The following RIMKLB variants were observed in gnomAD, a reference collection of about 807,000 sequenced individuals.
The protein encoded by RIMKLB is beta-citrylglutamate synthase B.
Under a neutral mutation model 32.0 loss-of-function variants are expected in RIMKLB, and 7 were observed. The observed-to-expected ratio is 0.22, with a 90% CI of 0.12 to 0.41. RIMKLB has a LOEUF of 0.41. RIMKLB is among the 10% of genes least tolerant of loss of function. RIMKLB has a pLI of 1.00. For synonymous variants in RIMKLB, 172 were observed against 185.1 expected (o/e 0.93, Z 0.57); for missense variants, 289 against 498.7 (o/e 0.58, Z 4.00).
chr12:8,714,764 G>A (rs1184516831), intron 2 of RIMKLB, among the ~76,000 whole-genome samples: 1 of 152,074 alleles, frequency 6.6e-6, no homozygotes, highest in African/African-American at 2.4e-5. Context: ...TAGCTAAATT[G>A]GTAGTTTCTG....
the RIMKLB span, among the ~76,000 whole-genome samples, chr12:8,674,770 G>C: frequency 1.1e-4 from 16 of 151,846 alleles, no homozygotes; most frequent in East Asian, 1.5e-3. Flanking sequence ...GGCTGGTCTC[G>C]AACTCCTCAC....
chr12:8,777,096 GTTTTTA>G lies in RIMKLB; in HGVS notation c.*3316_*3321del. The G allele has an allele frequency of 1.0e-6, 1 of 984,372 alleles. No individual in the cohort carries two copies. Among genetic ancestry groups the G allele is most frequent in the Non-Finnish European group, 1.2e-6 (1 of 829,690 alleles). The allele number at this position is 984,372 out of a possible 1,614,324, so 61.0% of individuals were successfully genotyped here. A position where few individuals can be genotyped will look rare whatever the true frequency, so the allele number is the denominator to read the frequency against. ...CAGACAGGTAACCACTGCTGCTACT[GTTTTTA>G]TTTGTTTGTTTGTTCAATTTTATTT... On this transcript the variant is annotated 3_prime_UTR_variant, in exon 6 of 6. Transcript: ENST00000535829.
At chr12:8,719,172 G>A (rs950669318) in intron 2 of RIMKLB, among the ~76,000 whole-genome samples, 3 of 152,066 alleles carry the variant, frequency 2.0e-5, no homozygotes, top group Non-Finnish European at 4.4e-5. Flanking sequence ...TAGTGTTTTC[G>A]TATTAGGATC....
chr12:8,775,095 T>A lies in RIMKLB; in HGVS notation c.*1311T>A. On this transcript the variant is annotated 3_prime_UTR_variant, in exon 6 of 6. Coordinates refer to ENST00000535829, the MANE Select transcript of RIMKLB (RefSeq NM_001297776.2). ...TTTTTTAGGCCTTTTTGTGTATATGTACGTTGTTTGTTTTTTTCCTTTTGT... is the reference window on the plus strand; with the variant it reads ...TTTTTTAGGCCTTTTTGTGTATATGAACGTTGTTTGTTTTTTTCCTTTTGT... 4.1e-6 allele frequency: 4 copies of A among 985,806 alleles called. No homozygotes were observed. Among genetic ancestry groups the A allele is most frequent in the Non-Finnish European group, 3.6e-6 (3 of 829,880 alleles). The allele number at this position is 985,806 out of a possible 1,614,324, so 61.1% of individuals were successfully genotyped here. A position where few individuals can be genotyped will look rare whatever the true frequency, so the allele number is the denominator to read the frequency against.
At chr12:8,704,382 CAA>C (rs536532279) in intron 1 of RIMKLB, among the ~76,000 whole-genome samples, 5 of 126,656 alleles carry the variant, frequency 3.9e-5, no homozygotes, top group Admixed American at 8.0e-5. Flanking sequence ...GACCCTGTCT[CAA>C]AAAAAAAAAA....
chr12:8,752,733 A>G (rs779430612), intron 4 of RIMKLB, among the ~76,000 whole-genome samples: 3 of 150,200 alleles, frequency 2.0e-5, no homozygotes, highest in South Asian at 2.1e-4. Context: ...TGTTGTTGTT[A>G]TTGTTTGTTT....
chr12:8,777,647 ACTTTC>A, downstream of RIMKLB: 2 of 1,289,228 alleles, frequency 1.6e-6, no homozygotes, highest in Non-Finnish European at 2.0e-6. Context: ...CAGAGAAAAA[ACTTTC>A]CTTCTTCCCC....
intron 1 of RIMKLB, among the ~76,000 whole-genome samples, chr12:8,708,854 G>C (rs968754952): frequency 4.6e-5 from 7 of 152,162 alleles, no homozygotes; most frequent in African/African-American, 1.7e-4. Flanking sequence ...CCAGAAGTTT[G>C]TGTGGGAAAA....
At position 8,707,301 on chromosome 12, in the gene RIMKLB, C is replaced by T. The variant is rs139507124; in HGVS notation, c.-56-6510C>T. 5.1e-3 allele frequency among the ~76,000 whole-genome samples: 775 copies of T among 152,280 alleles called. 4 individuals carry two copies. The highest frequency in any genetic ancestry group is 0.018 in the African/African-American group (738 of 41,548). ...GCTGACTGGCTTTAAGTTGGAGTTC[C>T]CACCAACCCTGTCTTTGGGTTTGAT... On this transcript the variant is annotated intron_variant, in intron 1 of 5. Coordinates refer to ENST00000535829, the MANE Select transcript of RIMKLB (RefSeq NM_001297776.2).
At chr12:8,701,015 G>A (rs377658089) in intron 1 of RIMKLB, among the ~76,000 whole-genome samples, 5 of 151,872 alleles carry the variant, frequency 3.3e-5, no homozygotes, top group Admixed American at 1.3e-4. Flanking sequence ...GCGGTGAGCC[G>A]AAATTTTATC....
At chr12:8,690,996 G>A (rs976668980) in intron 1 of RIMKLB, among the ~76,000 whole-genome samples, 2 of 152,108 alleles carry the variant, frequency 1.3e-5, no homozygotes, top group Non-Finnish European at 2.9e-5. Context: ...TCTAAGATAC[G>A]ATAGGTTTAT....
At position 8,735,855 on chromosome 12, in the gene RIMKLB, T is replaced by G. The variant is rs7969875; in HGVS notation, c.176-14007T>G. ...AAGGAATTCTCCTGCCTCAGCCTCCTGAGTAGCTGGGATTACAGGCATGCA... is the reference window on the plus strand; with the variant it reads ...AAGGAATTCTCCTGCCTCAGCCTCCGGAGTAGCTGGGATTACAGGCATGCA... On this transcript the variant is annotated intron_variant, in intron 2 of 5. Transcript: ENST00000535829. 4.8e-3 allele frequency among the ~76,000 whole-genome samples: 727 copies of G among 151,962 alleles called. 6 individuals are homozygous for G. Among genetic ancestry groups the G allele is most frequent in the African/African-American group, 0.017 (696 of 41,460 alleles).
At chr12:8,695,694 C>G (rs144868025), upstream of RIMKLB, among the ~76,000 whole-genome samples, 258 of 132,748 alleles carry the variant, frequency 1.9e-3, 4 homozygotes, top group African/African-American at 7.1e-3. Flanking sequence ...TGAATAGCAA[C>G]TTTTTTTTTT....
chr12:8,692,953 T>C (rs1430688019), upstream of RIMKLB, among the ~76,000 whole-genome samples: 1 of 152,232 alleles, frequency 6.6e-6, no homozygotes, highest in African/African-American at 2.4e-5. Context: ...GTTATAACGT[T>C]AGATAATCCA....
chr12:8,766,552 G>A (rs1263212796), intron 5 of RIMKLB, among the ~76,000 whole-genome samples: 5 of 152,172 alleles, frequency 3.3e-5, no homozygotes, highest in African/African-American at 9.7e-5. Flanking sequence ...GTACTTTAAG[G>A]TTTGGCTGAG....
chr12:8,749,982 G>T lies in RIMKLB; in HGVS notation c.296G>T (p.Gly99Val), dbSNP rs777538451. ...GTTTTGCGCCATCTAGAGAAGATGG[G>T]ATGTCGGTTAATGAACCGACCTCAA... ...ITVLRHLEKM[G>V]CRLMNRPQAI... The change falls in exon 3 of 6, where the codon GGA becomes GTA. Residue 99 changes from glycine to valine, a missense_variant. Physicochemically the swap from Gly to Val is moderately radical, Grantham distance 109. Around this residue, in one of 3 missense-constraint regions of RIMKLB, gnomAD observed 156 missense variants for 329.5 expected, o/e 0.47. Coordinates refer to ENST00000535829, the MANE Select transcript of RIMKLB (RefSeq NM_001297776.2). 1 of 1,613,952 alleles carries T rather than the reference G, an allele frequency of 6.2e-7. No individual in the cohort carries two copies. Among genetic ancestry groups the T allele is most frequent in the Non-Finnish European group, 8.5e-7 (1 of 1,179,896 alleles).
At chr12:8,765,115 A>G (rs1591979635) in intron 5 of RIMKLB, among the ~76,000 whole-genome samples, 1 of 151,922 alleles carries the variant, frequency 6.6e-6, no homozygotes, top group African/African-American at 2.4e-5. Context: ...ATTTAAGATT[A>G]GTTGGCCTTT....
intron 2 of RIMKLB, among the ~76,000 whole-genome samples, chr12:8,731,030 G>A (rs902650798): frequency 6.6e-6 from 1 of 151,634 alleles, no homozygotes; most frequent in Non-Finnish European, 1.5e-5. Context: ...GTGAGCCACC[G>A]TGCCCGGCCT....
chr12:8,734,098 T>C (rs1306591176), intron 2 of RIMKLB, among the ~76,000 whole-genome samples: 1 of 152,190 alleles, frequency 6.6e-6, no homozygotes, highest in East Asian at 1.9e-4. Flanking sequence ...AGAGGAATTA[T>C]CTGGTAAGGC....
Sources: allele counts gnomAD v4.1 joint callset (sites outside exome capture counted in the v4.1 genomes callset), GRCh38; gene constraint gnomAD v4.1.1; regional missense constraint gnomAD v4.1.1; transcripts MANE v1.5; gene names NCBI Gene and HGNC (gene_info 2026-07-23, HGNC 2026-07-21).